DBX2: variants seen among roughly 807,000 people sequenced by gnomAD.
The protein encoded by DBX2 is homeobox protein DBX2.
In DBX2, 16 loss-of-function variants were observed where a neutral mutation model predicts 17.7. The observed-to-expected ratio is 0.90, with a 90% CI of 0.61 to 1.37. DBX2 has a LOEUF of 1.37. Ranked by LOEUF, DBX2 falls within the 40% of genes most tolerant of loss-of-function variation. The pLI, the probability that DBX2 is intolerant of heterozygous loss-of-function variation, is 0.00. For synonymous variants in DBX2, 255 were observed against 183.8 expected (o/e 1.39, Z -3.13); for missense variants, 538 against 433.8 (o/e 1.24, Z -2.13).
chr12:45,049,789 C>T (rs1946519327), intron 1 of DBX2, among the ~76,000 whole-genome samples: 1 of 152,146 alleles, frequency 6.6e-6, no homozygotes, highest in African/African-American at 2.4e-5. Context: ...TGTCGGCATC[C>T]TTCTTCCCAG....
intron 1 of DBX2, 72 bp downstream of exon 1, chr12:45,050,453 G>C: frequency 6.6e-7 from 1 of 1,509,858 alleles, no homozygotes; most frequent in South Asian, 1.3e-5. Flanking sequence ...CACCGCCGGC[G>C]CTCCCAGATC....
chr12:45,028,552 G>C lies in DBX2; in HGVS notation c.500-4658C>G, dbSNP rs140919322. ...TAAAACTTTTAATAGCAACCCATAGGTTTTCCTAATAAGTTGTTTTTAAGT... is the reference window on the plus strand; with the variant it reads ...TAAAACTTTTAATAGCAACCCATAGCTTTTCCTAATAAGTTGTTTTTAAGT... On this transcript the variant is annotated intron_variant, in intron 2 of 3. Coordinates refer to ENST00000332700, the MANE Select transcript of DBX2 (RefSeq NM_001004329.3). Among the ~76,000 whole-genome samples the C allele has an allele frequency of 6.9e-4, 105 of 152,160 alleles. 1 individual carries two copies. In the East Asian group the frequency reaches 0.019, roughly 28 times the overall value.
intron 1 of DBX2, among the ~76,000 whole-genome samples, chr12:45,047,617 T>C (rs1946506948): frequency 1.3e-5 from 2 of 152,146 alleles, no homozygotes; most frequent in African/African-American, 4.8e-5. Context: ...CTTTCAAATA[T>C]ATTTCATAAC....
chr12:45,022,506 G>A (rs866537725), intron 3 of DBX2, among the ~76,000 whole-genome samples: 28 of 151,836 alleles, frequency 1.8e-4, no homozygotes, highest in African/African-American at 5.8e-4. Flanking sequence ...GGGTTTCACC[G>A]TGTTAGCCAG....
At chr12:45,019,993 C>T (rs1028786413) in intron 3 of DBX2, among the ~76,000 whole-genome samples, 1 of 152,116 alleles carries the variant, frequency 6.6e-6, no homozygotes, top group Non-Finnish European at 1.5e-5. Context: ...ATATATGATT[C>T]TATTTACATA....
chr12:45,050,006 C>G (rs1946520538), intron 1 of DBX2, among the ~76,000 whole-genome samples: 1 of 152,196 alleles, frequency 6.6e-6, no homozygotes, highest in Admixed American at 6.5e-5. Flanking sequence ...TTGCGCAACT[C>G]TCCTTCCAAA....
rs1308817894 is a variant in DBX2 at position 45,035,060 on chromosome 12, TAA to T, written c.499+957_499+958del. 5.9e-5 allele frequency among the ~76,000 whole-genome samples: 9 copies of T among 152,364 alleles called. No homozygotes were observed. In the East Asian group the frequency reaches 1.7e-3, roughly 29 times the overall value. On this transcript the variant is annotated intron_variant, in intron 2 of 3. Coordinates refer to ENST00000332700, the MANE Select transcript of DBX2 (RefSeq NM_001004329.3). ...GAGATGCTTAGAGCCTGCAGCTCAT[TAA>T]ACGGCCAGCATTTGCTGCCTCACTT...
At position 45,050,663 on chromosome 12, in the gene DBX2, C is replaced by G; in HGVS notation, c.265G>C (p.Ala89Pro). The change falls in exon 1 of 4, where the codon GCC (alanine) becomes CCC (proline). Residue 89 changes from alanine to proline, a missense_variant. Physicochemically the swap from Ala to Pro is conservative, Grantham distance 27. Coordinates refer to ENST00000332700, the MANE Select transcript of DBX2 (RefSeq NM_001004329.3). Reference protein sequence around the residue: ...SPVPLKLCPAAEQVSPAGAPY... With the variant: ...SPVPLKLCPAPEQVSPAGAPY... ...GCCCCGGCGGGGCTAACTTGTTCGG[C>G]TGCGGGGCACAGCTTTAGGGGAACT... is the stretch of plus-strand genomic sequence containing the variant. The G allele has an allele frequency of 6.5e-7, 1 of 1,548,888 alleles. No individual in the cohort carries two copies. Among genetic ancestry groups the G allele is most frequent in the Non-Finnish European group, 8.7e-7 (1 of 1,146,512 alleles).
chr12:45,016,644 T>C, intron 3 of DBX2, 26 bp from the exon 4 acceptor site: 1 of 1,511,794 alleles, frequency 6.6e-7, no homozygotes, highest in Non-Finnish European at 8.8e-7. Flanking sequence ...TTGCACAAAA[T>C]GATCACTTAT....
In DBX2 at chr12:45,016,270, G is replaced by C. The variant is rs189065791; in HGVS notation, c.*16C>G. ...ATTAAGCGTTCTTTTAAATGAACAC[G>C]GAGGAATGCTTCCATTCAGACAGCC... is the stretch of plus-strand genomic sequence containing the variant. On this transcript the variant is annotated 3_prime_UTR_variant, in exon 4 of 4. Coordinates refer to ENST00000332700, the MANE Select transcript of DBX2 (RefSeq NM_001004329.3). The C allele has an allele frequency of 3.6e-5, 56 of 1,535,404 alleles. No individual in the cohort carries two copies. Among genetic ancestry groups the C allele is most frequent in the Non-Finnish European group, 4.5e-5 (52 of 1,144,974 alleles).
chr12:45,044,663 C>T (rs1227217321), intron 1 of DBX2, among the ~76,000 whole-genome samples: 1 of 152,060 alleles, frequency 6.6e-6, no homozygotes, highest in Non-Finnish European at 1.5e-5. Context: ...CTTTCCTTTT[C>T]CTGAATGCTT....
rs753452194 is a variant in DBX2 at position 45,050,852 on chromosome 12, G to A, written c.76C>T (p.Pro26Ser). ...AGGTTGCCAAAGCCGGGCGCAGCGG[G>A]GAGGTTGAGGAGCGCGGAGGAAGCC... ...VVASSALLNL[P>S]AAPGFGNLGK... The change falls in exon 1 of 4, where the codon CCC becomes TCC. Residue 26 changes from proline (P) to serine (S), a missense_variant. Physicochemically the swap from Pro to Ser is moderately conservative, Grantham distance 74 (BLOSUM62 -1). Coordinates refer to ENST00000332700, the MANE Select transcript of DBX2 (RefSeq NM_001004329.3). The A allele has an allele frequency of 8.5e-6, 13 of 1,537,866 alleles. No homozygotes were observed. Among genetic ancestry groups the A allele is most frequent in the South Asian group, 2.4e-5 (2 of 81,812 alleles).
At chr12:45,048,066 A>C (rs1477082210) in intron 1 of DBX2, among the ~76,000 whole-genome samples, 1 of 152,174 alleles carries the variant, frequency 6.6e-6, no homozygotes, top group African/African-American at 2.4e-5. Context: ...TACATGGGAG[A>C]CACTCAGTAA....
chr12:45,050,224 C>G (rs75895181), intron 1 of DBX2, among the ~76,000 whole-genome samples: 5,343 of 152,298 alleles, frequency 0.035, 401 homozygotes, highest in East Asian at 0.24. Context: ...GTAGAACCCT[C>G]AGAGTTTCCC....
intron 3 of DBX2, among the ~76,000 whole-genome samples, chr12:45,018,323 G>A (rs1403625340): frequency 6.6e-6 from 1 of 151,878 alleles, no homozygotes; most frequent in Non-Finnish European, 1.5e-5. Flanking sequence ...AATATTTGTT[G>A]TCAAGTGATA....
Position 45,050,679 on chromosome 12 carries a change from T to C in DBX2, c.249A>G (p.Leu83=). The part of the protein sequence containing the change: ...LRPLPASPVP[L]KLCPAAEQVS... ...CTTGTTCGGCTGCGGGGCACAGCTT[T>C]AGGGGAACTGGGCTAGCAGGCAGGG... The change falls in exon 1 of 4, where the codon CTA becomes CTG. Residue 83 remains leucine, a synonymous_variant. Transcript: ENST00000332700. 1 of 1,545,306 alleles carries C rather than the reference T, an allele frequency of 6.5e-7. No homozygotes were observed. The highest frequency in any genetic ancestry group is 8.7e-7 in the Non-Finnish European group (1 of 1,145,118).
chr12:45,024,672 C>T (rs776257759), intron 2 of DBX2, among the ~76,000 whole-genome samples: 11 of 152,152 alleles, frequency 7.2e-5, no homozygotes, highest in Admixed American at 6.5e-4. Context: ...AGAAATAAGA[C>T]AGGTATGTTT....
chr12:45,036,857 A>T (rs1946443759), intron 1 of DBX2, among the ~76,000 whole-genome samples: 1 of 152,204 alleles, frequency 6.6e-6, no homozygotes, highest in South Asian at 2.1e-4. Context: ...TAATCTAGTC[A>T]CCCTGAAGAT....
Position 45,035,887 on chromosome 12 carries a change from A to T in DBX2, c.499+132T>A, listed in dbSNP as rs1946437456. On this transcript the variant is annotated intron_variant, in intron 2 of 3. Transcript: ENST00000332700. ...AATCTCTGGAAACCTCTTGAATAAG[A>T]TCGCTGTGACTTTTAGTGAGGAATT... is the stretch of plus-strand genomic sequence containing the variant. 3 of 820,658 alleles carry T rather than the reference A, an allele frequency of 3.7e-6. No homozygotes were observed. The African/African-American group carries it at 5.2e-5, about 14-fold the overall frequency. 50.8% of individuals were successfully genotyped at this position (820,658 alleles called of 1,614,324 possible).
Sources: allele counts gnomAD v4.1 joint callset (sites outside exome capture counted in the v4.1 genomes callset), GRCh38; gene constraint gnomAD v4.1.1; transcripts MANE v1.5; gene names NCBI Gene and HGNC (gene_info 2026-07-23, HGNC 2026-07-21).